The following ZNF521 variants were observed in gnomAD, a reference collection of about 807,000 sequenced individuals.
ZNF521 encodes the protein zinc finger protein 521.
A neutral mutation model predicts 105.5 loss-of-function variants in ZNF521; 14 were observed. The ratio of observed to expected loss-of-function variants is 0.13; its 90% CI spans 0.09 to 0.21. ZNF521 has a LOEUF of 0.21. ZNF521 is among the 10% of genes least tolerant of loss of function. ZNF521 has a pLI of 1.00. For missense variants in ZNF521, 1,233 were observed against 1,629.7 expected (o/e 0.76, Z 4.19); for synonymous variants, 635 against 606.0 (o/e 1.05, Z -0.70).
At chr18:25,317,010 A>G (rs1170463589) in intron 3 of ZNF521, among the ~76,000 whole-genome samples, 3 of 152,034 alleles carry the variant, frequency 2.0e-5, no homozygotes, top group African/African-American at 7.2e-5. Context: ...GTGCGCCACT[A>G]TGCCCTGCTA....
chr18:25,131,663 GC>G (rs1175591938), intron 5 of ZNF521, among the ~76,000 whole-genome samples: 2 of 152,154 alleles, frequency 1.3e-5, no homozygotes, highest in African/African-American at 4.8e-5. Context: ...CTAGCCCAGA[GC>G]CTTGTACATA....
chr18:25,250,780 C>T (rs79576444), intron 3 of ZNF521, among the ~76,000 whole-genome samples: 2,261 of 152,322 alleles, frequency 0.015, 47 homozygotes, highest in East Asian at 0.077. Context: ...TCTTTTCCAA[C>T]ATATCATTTA....
intron 5 of ZNF521, among the ~76,000 whole-genome samples, chr18:25,140,173 A>G (rs2034820287): frequency 6.6e-6 from 1 of 152,172 alleles, no homozygotes; most frequent in Admixed American, 6.6e-5. Flanking sequence ...CAAATCACAA[A>G]TCAGAAATTT....
At chr18:25,154,936 C>T (rs968974396) in intron 5 of ZNF521, among the ~76,000 whole-genome samples, 4 of 152,020 alleles carry the variant, frequency 2.6e-5, no homozygotes, top group Non-Finnish European at 4.4e-5. Context: ...TCCTATATTA[C>T]TTCTATTTTT....
intron 3 of ZNF521, among the ~76,000 whole-genome samples, chr18:25,255,758 G>A (rs1908438788): frequency 6.6e-6 from 1 of 151,762 alleles, no homozygotes; most frequent in African/African-American, 2.4e-5. Context: ...GGAGAGTTAA[G>A]CATACGACCC....
intron 5 of ZNF521, among the ~76,000 whole-genome samples, chr18:25,142,266 C>T (rs1008792610): frequency 6.6e-6 from 1 of 152,172 alleles, no homozygotes; most frequent in African/African-American, 2.4e-5. Context: ...CCATCTCTGG[C>T]TACTACCAAG....
intron 3 of ZNF521, among the ~76,000 whole-genome samples, chr18:25,299,477 T>C (rs1272487227): frequency 6.6e-6 from 1 of 152,180 alleles, no homozygotes; most frequent in Non-Finnish European, 1.5e-5. Flanking sequence ...AGTACTCTCA[T>C]TAGGAGACAA....
At chr18:25,165,330 C>T (rs1190602409) in intron 5 of ZNF521, among the ~76,000 whole-genome samples, 1 of 152,160 alleles carries the variant, frequency 6.6e-6, no homozygotes, top group Non-Finnish European at 1.5e-5. Flanking sequence ...AGAAATCAAG[C>T]TCCCTCTGTG....
chr18:25,212,067 G>T (rs1186143702), intron 4 of ZNF521, among the ~76,000 whole-genome samples: 8 of 152,020 alleles, frequency 5.3e-5, no homozygotes, highest in Admixed American at 3.3e-4. Flanking sequence ...CCTAATCACT[G>T]CAGATTTATT....
intron 4 of ZNF521, among the ~76,000 whole-genome samples, chr18:25,221,641 A>C (rs1468022096): frequency 1.3e-5 from 2 of 152,228 alleles, no homozygotes; most frequent in East Asian, 3.8e-4. Context: ...CATCTAAGTC[A>C]ATAGACATAT....
In ZNF521 at chr18:25,225,398, G is replaced by A. The variant is rs774276296; in HGVS notation, c.2520C>T (p.Pro840=). The A allele has an allele frequency of 1.2e-6, 2 of 1,614,128 alleles. No individual in the cohort carries two copies. Among genetic ancestry groups the A allele is most frequent in the Admixed American group, 1.7e-5 (1 of 60,026 alleles). The change falls in exon 4 of 8, where the codon CCC becomes CCT. Residue 840 remains proline (P), a synonymous_variant. Coordinates refer to ENST00000361524, the MANE Select transcript of ZNF521 (RefSeq NM_015461.3). The surrounding 1 kb of genome is among the most constrained non-coding windows in gnomAD (Gnocchi z 5.6). ...CGGAAGCTCCATTTGTTCCACAGTT[G>A]GGTGTCTTGGTTTCGAATACACAGT... ...EKHCVFETKT[P]NCGTNGASEQ...
At position 25,226,922 on chromosome 18, in the gene ZNF521, G is replaced by C; in HGVS notation, c.996C>G (p.His332Gln). ...TGTGATTGCATGACTCCGGTTGCTG[G>C]TGACTGTCCATGTGGCTGTACAGTT... The part of the protein sequence containing the change: ...VEELYSHMDS[H>Q]QQPESCNHSN... Residue 332 changes from histidine to glutamine, a missense_variant, in exon 4 of 8, where the codon CAC becomes CAG. By Grantham distance (24) the His-to-Gln change is conservative (BLOSUM62 0). Coordinates refer to ENST00000361524, the MANE Select transcript of ZNF521 (RefSeq NM_015461.3). The surrounding 1 kb of genome is among the most constrained non-coding windows in gnomAD (Gnocchi z 4.1). 1 of 1,613,894 alleles carries C rather than the reference G, an allele frequency of 6.2e-7. No homozygotes were observed. Among genetic ancestry groups the C allele is most frequent in the Non-Finnish European group, 8.5e-7 (1 of 1,180,006 alleles).
chr18:25,204,952 C>T (rs980374893), intron 4 of ZNF521, among the ~76,000 whole-genome samples: 5 of 151,980 alleles, frequency 3.3e-5, no homozygotes, highest in African/African-American at 1.2e-4. Flanking sequence ...GCAGTCAATA[C>T]ATTTTGTTTA....
rs1386111329 is a variant in ZNF521, at chr18:25,225,012, G to A, written c.2906C>T (p.Pro969Leu). 6.2e-7 allele frequency: 1 copy of A among 1,614,036 alleles called. No homozygotes were observed. Among genetic ancestry groups the A allele is most frequent in the African/African-American group, 1.3e-5 (1 of 74,916 alleles). Residue 969 changes from proline to leucine, a missense_variant, in exon 4 of 8, where the codon CCC becomes CTC. Around this residue, in one of 6 missense-constraint regions of ZNF521, gnomAD observed 614 missense variants for 751.5 expected, o/e 0.82. Transcript: ENST00000361524. The surrounding 1 kb of genome is among the most constrained non-coding windows in gnomAD (Gnocchi z 5.6). ...GTGTTCAGTAAGAGTTAAAAGGGAGGGAAACCGCTCTCCGCAAATAGGGCA... is the reference window on the plus strand; with the variant it reads ...GTGTTCAGTAAGAGTTAAAAGGGAGAGAAACCGCTCTCCGCAAATAGGGCA... ...YMCPICGERF[P>L]SLLTLTEHKV...
intron 7 of ZNF521, among the ~76,000 whole-genome samples, chr18:25,079,262 A>G (rs908806480): frequency 7.9e-5 from 12 of 152,216 alleles, no homozygotes; most frequent in African/African-American, 2.7e-4. Context: ...TTCGACTTCC[A>G]GAACACTGAA....
At chr18:25,323,391 T>TA (rs1195609054) in intron 2 of ZNF521, among the ~76,000 whole-genome samples, 9 of 152,126 alleles carry the variant, frequency 5.9e-5, no homozygotes. Context: ...TTTTAATGGC[T>TA]ACAATAAATA....
At chr18:25,126,366 ATCTAC>A (rs10561997) in intron 5 of ZNF521, among the ~76,000 whole-genome samples, 37,662 of 151,838 alleles carry the variant, frequency 0.25, 5,601 homozygotes, top group Non-Finnish European at 0.33. Flanking sequence ...ATGAAGCAAT[ATCTAC>A]TCTGTGTTCT....
At position 25,294,245 on chromosome 18, in the gene ZNF521, T is replaced by C. The variant is rs76001543; in HGVS notation, c.220+27763A>G. ...ATTTCTCTAGATAAGACATGTATAC[T>C]AATTTTTTTTTCCTGCTGTTAATTT... is the stretch of plus-strand genomic sequence containing the variant. On this transcript the variant is annotated intron_variant, in intron 3 of 7. Transcript: ENST00000361524. 1.7e-3 allele frequency among the ~76,000 whole-genome samples: 260 copies of C among 152,324 alleles called. 2 individuals are homozygous for C. The East Asian group carries it at 0.02, about 12-fold the overall frequency.
intron 5 of ZNF521, among the ~76,000 whole-genome samples, chr18:25,162,021 G>C (rs1414018880): frequency 2.6e-5 from 4 of 152,100 alleles, no homozygotes; most frequent in Non-Finnish European, 5.9e-5. Context: ...GTACAGGACA[G>C]AAAATGTAAG....
Sources: allele counts gnomAD v4.1 joint callset (sites outside exome capture counted in the v4.1 genomes callset), GRCh38; gene constraint gnomAD v4.1.1; regional missense constraint gnomAD v4.1.1; non-coding constraint Gnocchi (gnomAD v3.1); transcripts MANE v1.5; gene names NCBI Gene and HGNC (gene_info 2026-07-23, HGNC 2026-07-21).